Variants in SLC12A7 observed in about 807,000 individuals in gnomAD.
SLC12A7 encodes solute carrier family 12 member 7, also known as K-Cl cotransporter 4.
A neutral mutation model predicts 120.6 loss-of-function variants in SLC12A7; 100 were observed. The ratio of observed to expected loss-of-function variants is 0.83; its 90% CI spans 0.71 to 0.98. The LOEUF is 0.98. SLC12A7 is among the 50% of genes least tolerant of loss of function. The pLI is 0.00. For synonymous variants in SLC12A7, 760 were observed against 678.0 expected, an observed-to-expected ratio of 1.12 and a Z score of -1.88; for missense variants, 1,373 against 1,548.1, an observed-to-expected ratio of 0.89 and a Z score of 1.90.
At chr5:1,059,466 C>G (rs1471652466) in intron 21 of SLC12A7, among the ~76,000 whole-genome samples, 2 of 152,342 alleles carry the variant, frequency 1.3e-5, no homozygotes, top group South Asian at 2.1e-4. Context: ...TGCACCTGGT[C>G]TGCAGACACA....
chr5:1,081,162 CAAAG>C (rs778543234), intron 9 of SLC12A7, among the ~76,000 whole-genome samples: 6 of 151,742 alleles, frequency 4.0e-5, no homozygotes, highest in Admixed American at 6.6e-5. Context: ...TGGACAAAGA[CAAAG>C]GAAGAGAAAG....
At position 1,050,956 on chromosome 5, in the gene SLC12A7, G is replaced by A. The variant is rs61567240; in HGVS notation, c.*1404C>T. 0.041 allele frequency: 16,244 copies of A among 398,620 alleles called. 379 individuals are homozygous for A. The highest frequency in any genetic ancestry group is 0.066 in the African/African-American group (3,238 of 48,722). 24.7% of individuals were successfully genotyped at this position (398,620 alleles called of 1,614,324 possible). On this transcript the variant is annotated 3_prime_UTR_variant, in exon 24 of 24. Coordinates refer to ENST00000264930, the MANE Select transcript of SLC12A7 (RefSeq NM_006598.3). ...CCTTGGGAGACCATGCAAGCCAGAC[G>A]TAGCCCAAGGCCTGGCCATCTGGGG...
At chr5:1,074,459 C>T (rs1369014221) in intron 16 of SLC12A7, 108 bp downstream of exon 16, 16 of 1,005,208 alleles carry the variant, frequency 1.6e-5, no homozygotes, top group Admixed American at 1.1e-4. Context: ...CTTGCCTGAG[C>T]GGCTGAAGGT....
At chr5:1,129,672 G>A in the SLC12A7 span, among the ~76,000 whole-genome samples, 232 of 152,022 alleles carry the variant, frequency 1.5e-3, no homozygotes, top group African/African-American at 5.4e-3. Context: ...GGATGAACAC[G>A]GGAACACCTG....
the SLC12A7 span, among the ~76,000 whole-genome samples, chr5:1,125,584 T>C: frequency 2.0e-5 from 3 of 152,178 alleles, no homozygotes; most frequent in East Asian, 3.9e-4. Context: ...TGGATCCCAA[T>C]TACTTTGTAT....
At chr5:1,112,156 C>G (rs2150916234), upstream of SLC12A7, 1 of 825,238 alleles carries the variant, frequency 1.2e-6, no homozygotes, top group Non-Finnish European at 1.6e-6. Flanking sequence ...AAAAGTTGGC[C>G]CGCGGCGACT....
chr5:1,112,871 T>TC (rs70957329), upstream of SLC12A7, among the ~76,000 whole-genome samples: 170 of 111,994 alleles, frequency 1.5e-3, no homozygotes, highest in East Asian at 1.8e-3. Flanking sequence ...GTAGAGGGAG[T>TC]CCCCCCCCCC....
the SLC12A7 span, among the ~76,000 whole-genome samples, chr5:1,126,219 C>T: frequency 3.9e-5 from 6 of 152,208 alleles, no homozygotes; most frequent in South Asian, 1.0e-3. Context: ...TAGCTGACAG[C>T]TGGGATTACA....
Position 1,077,869 on chromosome 5 carries a change from C to T in SLC12A7, c.1593G>A (p.Gln531=). 2 of 1,596,854 alleles carry T rather than the reference C, an allele frequency of 1.3e-6. No homozygotes were observed. Among genetic ancestry groups the T allele is most frequent in the Non-Finnish European group, 1.7e-6 (2 of 1,172,464 alleles). ...GGACGATGCCGTCACGGGCAATGGCCTGCAGTAGGCGCGGTGCCCCCGTGA... is the reference window on the plus strand; with the variant it reads ...GGACGATGCCGTCACGGGCAATGGCTTGCAGTAGGCGCGGTGCCCCCGTGA... ...QSLTGAPRLL[Q]AIARDGIVPF... The change falls in exon 12 of 24, where the codon CAG becomes CAA. Residue 531 remains glutamine, a synonymous_variant. Coordinates refer to ENST00000264930, the MANE Select transcript of SLC12A7 (RefSeq NM_006598.3).
chr5:1,119,904 C>T, the SLC12A7 span, among the ~76,000 whole-genome samples: 6 of 152,246 alleles, frequency 3.9e-5, no homozygotes, highest in Non-Finnish European at 7.3e-5. Flanking sequence ...GCTTCTGCCT[C>T]CCCGCAAAAA....
At chr5:1,146,244 G>A in the SLC12A7 span, among the ~76,000 whole-genome samples, 1 of 152,204 alleles carries the variant, frequency 6.6e-6, no homozygotes, top group Non-Finnish European at 1.5e-5. This position sits in a 1 kb window ranked among gnomAD's most constrained non-coding sequence, Gnocchi z 6.5. Context: ...CTCCAGGTCT[G>A]TGATGAGACC....
At chr5:1,155,787 G>A in the SLC12A7 span, among the ~76,000 whole-genome samples, 2 of 150,880 alleles carry the variant, frequency 1.3e-5, no homozygotes, top group Non-Finnish European at 3.0e-5. Context: ...GGGGCTCGGG[G>A]TGGGGCGCTG....
At chr5:1,146,909 G>A in the SLC12A7 span, among the ~76,000 whole-genome samples, 2 of 152,040 alleles carry the variant, frequency 1.3e-5, no homozygotes, top group African/African-American at 2.4e-5. The surrounding 1 kb of genome is among the most constrained non-coding windows in gnomAD (Gnocchi z 6.5). Flanking sequence ...TCTCATGCCC[G>A]CCTGAACTAA....
At chr5:1,091,634 T>G (rs2150874744) in intron 3 of SLC12A7, among the ~76,000 whole-genome samples, 1 of 152,182 alleles carries the variant, frequency 6.6e-6, no homozygotes, top group Non-Finnish European at 1.5e-5. Flanking sequence ...AGGTGCTGAG[T>G]GCTGAGCCCG....
At chr5:1,113,348 G>A (rs1272234178), upstream of SLC12A7, among the ~76,000 whole-genome samples, 2 of 152,308 alleles carry the variant, frequency 1.3e-5, no homozygotes, top group South Asian at 4.1e-4. Flanking sequence ...ATGGCCTCCG[G>A]GCTGTGGGAT....
At chr5:1,055,769 TTTAA>T (rs1416142466) in intron 22 of SLC12A7, among the ~76,000 whole-genome samples, 1 of 152,242 alleles carries the variant, frequency 6.6e-6, no homozygotes, top group Non-Finnish European at 1.5e-5. Context: ...GTTCTTCGGC[TTTAA>T]TTAACACGCT....
At chr5:1,102,149 C>T (rs1228283449) in intron 1 of SLC12A7, among the ~76,000 whole-genome samples, 4 of 152,192 alleles carry the variant, frequency 2.6e-5, no homozygotes, top group Non-Finnish European at 4.4e-5. Context: ...GGGAAGGAGG[C>T]GGCTGCAGGT....
At chr5:1,121,725 G>A in the SLC12A7 span, among the ~76,000 whole-genome samples, 10 of 152,218 alleles carry the variant, frequency 6.6e-5, no homozygotes, top group African/African-American at 1.9e-4. Flanking sequence ...TCCCCTGCCC[G>A]CCCCAGCCAT....
At chr5:1,088,612 G>A (rs1320553055) in intron 4 of SLC12A7, among the ~76,000 whole-genome samples, 1 of 152,178 alleles carries the variant, frequency 6.6e-6, no homozygotes, top group Non-Finnish European at 1.5e-5. Flanking sequence ...CCAAACTGGA[G>A]GTGATGTCAT....
Sources: allele counts gnomAD v4.1 joint callset (sites outside exome capture counted in the v4.1 genomes callset), GRCh38; gene constraint gnomAD v4.1.1; non-coding constraint Gnocchi (gnomAD v3.1); transcripts MANE v1.5; gene names NCBI Gene and HGNC (gene_info 2026-07-23, HGNC 2026-07-21).